The following CMC2 variants were observed in gnomAD, a reference collection of about 807,000 sequenced individuals.
CMC2 encodes the protein COX assembly mitochondrial protein 2 homolog.
Under a neutral mutation model 7.5 loss-of-function variants are expected in CMC2, and 5 were observed. The observed-to-expected ratio is 0.66, with a 90% CI of 0.35 to 1.40. The LOEUF (loss-of-function observed/expected upper bound fraction) is 1.40, where lower values mean the gene tolerates loss of function less well. Among genes scored for constraint, CMC2 ranks in the 40% most tolerant of loss-of-function variants. The pLI is 0.04. For missense variants in CMC2, 115 were observed against 92.3 expected (o/e 1.25, Z -1.01); for synonymous variants, 37 against 31.4 (o/e 1.18, Z -0.60).
Position 80,970,712 on chromosome 16 carries a change from G to T in CMC2, c.*5381C>A, listed in dbSNP as rs1911853924. 1.3e-5 allele frequency: 2 copies of T among 152,130 alleles called. No individual in the cohort carries two copies. The highest frequency in any genetic ancestry group is 1.3e-4 in the Admixed American group (2 of 15,284). 9.4% of individuals were successfully genotyped at this position (152,130 alleles called of 1,614,324 possible). A position where few individuals can be genotyped will look rare whatever the true frequency, so the allele number is the denominator to read the frequency against. ...TATAGGCCCCAGAATTATTAAGAAAGTTTGGCAAGCCTTCTGAATGTAAGA... is the reference window on the plus strand; with the variant it reads ...TATAGGCCCCAGAATTATTAAGAAATTTTGGCAAGCCTTCTGAATGTAAGA... On this transcript the variant is annotated 3_prime_UTR_variant, in exon 4 of 4. Transcript: ENST00000219400.
At chr16:80,976,388 T>C (rs1912352894) in intron 3 of CMC2, among the ~76,000 whole-genome samples, 2 of 152,248 alleles carry the variant, frequency 1.3e-5, no homozygotes, top group East Asian at 3.8e-4. Flanking sequence ...GAGTATCTCA[T>C]ATCTAGCACA....
rs11643712 is a variant in CMC2 at position 80,969,853 on chromosome 16, C to T, written c.*6240G>A. 0.18 allele frequency: 26,875 copies of T among 152,134 alleles called. 2,826 individuals are homozygous for T. The highest frequency in any genetic ancestry group is 0.3 in the African/African-American group (12,547 of 41,434). The allele number at this position is 152,134 out of a possible 1,614,324, so 9.4% of individuals were successfully genotyped here. The stretch of plus-strand genomic sequence containing the variant: ...GCAGGGAGCCAAGATCACACCACTG[C>T]ACCCCAGCCTGGGTGACACAGCAAG... On this transcript the variant is annotated 3_prime_UTR_variant, in exon 4 of 4. Transcript: ENST00000219400.
At chr16:80,987,437 T>C (rs148399297) in intron 2 of CMC2, among the ~76,000 whole-genome samples, 53 of 152,350 alleles carry the variant, frequency 3.5e-4, no homozygotes, top group Admixed American at 2.5e-3. Flanking sequence ...TCTAAAATGA[T>C]ATGTATTATT....
chr16:80,968,251 G>C lies in CMC2; in HGVS notation c.*7842C>G, dbSNP rs1304201937. On this transcript the variant is annotated 3_prime_UTR_variant, in exon 4 of 4. Transcript: ENST00000219400. Reference sequence around the variant, plus strand: ...ATTTCTTTTTTTTATTTTTATTTTTGTAGAGACAGGGTCTTACTATGTTGC... The same window carrying C: ...ATTTCTTTTTTTTATTTTTATTTTTCTAGAGACAGGGTCTTACTATGTTGC... The C allele has an allele frequency of 6.6e-6, 1 of 151,954 alleles. No homozygotes were observed. Among genetic ancestry groups the C allele is most frequent in the Non-Finnish European group, 1.5e-5 (1 of 68,026 alleles). 9.4% of individuals were successfully genotyped at this position (151,954 alleles called of 1,614,324 possible).
At chr16:80,993,118 C>G (rs760798934) in intron 2 of CMC2, among the ~76,000 whole-genome samples, 1 of 152,180 alleles carries the variant, frequency 6.6e-6, no homozygotes, top group Admixed American at 6.5e-5. Flanking sequence ...TTTTTCCAAA[C>G]AGCTATGTAA....
At position 80,969,167 on chromosome 16, in the gene CMC2, CAGG is replaced by C. The variant is rs1911751396; in HGVS notation, c.*6923_*6925del. The C allele has an allele frequency of 6.6e-6, 1 of 152,094 alleles. No individual in the cohort carries two copies. The allele number at this position is 152,094 out of a possible 1,614,324, so 9.4% of individuals were successfully genotyped here. ...TATCTTTTTTATGATATAAAAAGGG[CAGG>C]AGGAGAGACAGTATTTACAACAAAA... is the stretch of plus-strand genomic sequence containing the variant. On this transcript the variant is annotated 3_prime_UTR_variant, in exon 4 of 4. Transcript: ENST00000219400.
rs764800233 is a variant in CMC2 at position 80,966,897 on chromosome 16, ATTT to A, written c.*9193_*9195del. ...CCTTTGTGTAAATGCATCATTGTTT[ATTT>A]AACTACTGTCCTATTCGTAGACATA... On this transcript the variant is annotated 3_prime_UTR_variant, in exon 4 of 4. Coordinates refer to ENST00000219400, the MANE Select transcript of CMC2 (RefSeq NM_020188.5). 1 of 151,652 alleles carries A rather than the reference ATTT, an allele frequency of 6.6e-6. No individual in the cohort carries two copies. The highest frequency in any genetic ancestry group is 1.5e-5 in the Non-Finnish European group (1 of 68,006). 9.4% of individuals were successfully genotyped at this position (151,652 alleles called of 1,614,324 possible). A position where few individuals can be genotyped will look rare whatever the true frequency, so the allele number is the denominator to read the frequency against.
chr16:81,003,882 G>A (rs546818909), intron 1 of CMC2, among the ~76,000 whole-genome samples: 42 of 152,294 alleles, frequency 2.8e-4, no homozygotes, highest in African/African-American at 1.0e-3. Flanking sequence ...CCATAAAATG[G>A]AATTTGCTCT....
chr16:81,000,663 G>A (rs1342608874), intron 1 of CMC2, among the ~76,000 whole-genome samples: 1 of 152,174 alleles, frequency 6.6e-6, no homozygotes, highest in Non-Finnish European at 1.5e-5. Context: ...CCTCACATCA[G>A]TGAGAATGGC....
At position 80,967,259 on chromosome 16, in the gene CMC2, G is replaced by A. The variant is rs1911617823; in HGVS notation, c.*8834C>T. On this transcript the variant is annotated 3_prime_UTR_variant, in exon 4 of 4. Transcript: ENST00000219400. Reference sequence around the variant, plus strand: ...CTTAACTAAAATTTTAGCAGATAAAGCCATCACAGCAACTTGAACTATCCC... The same window carrying A: ...CTTAACTAAAATTTTAGCAGATAAAACCATCACAGCAACTTGAACTATCCC... The A allele has an allele frequency of 6.6e-6, 1 of 152,198 alleles. No homozygotes were observed. Among genetic ancestry groups the A allele is most frequent in the African/African-American group, 2.4e-5 (1 of 41,448 alleles). The allele number at this position is 152,198 out of a possible 1,614,324, so 9.4% of individuals were successfully genotyped here.
rs1380493588 is a variant in CMC2 at position 80,973,837 on chromosome 16, AG to A, written c.*2255del. 5 of 152,218 alleles carry A rather than the reference AG, an allele frequency of 3.3e-5. No individual in the cohort carries two copies. The highest frequency in any genetic ancestry group is 7.3e-5 in the Non-Finnish European group (5 of 68,040). The allele number at this position is 152,218 out of a possible 1,614,324, so 9.4% of individuals were successfully genotyped here. On this transcript the variant is annotated 3_prime_UTR_variant, in exon 4 of 4. Coordinates refer to ENST00000219400, the MANE Select transcript of CMC2 (RefSeq NM_020188.5). ...ATCAGCAACAGCTGCAACACAAGAG[AG>A]TAAGACCTAAAAACAGTAGGTGGTT...
At chr16:80,984,609 C>T (rs1229605147) in intron 2 of CMC2, among the ~76,000 whole-genome samples, 1 of 151,892 alleles carries the variant, frequency 6.6e-6, no homozygotes, top group Non-Finnish European at 1.5e-5. Flanking sequence ...TCTATCATTC[C>T]CAAAGAATAA....
rs1912117060 is a variant in CMC2, at chr16:80,974,149, G to A, written c.*1944C>T. The A allele has an allele frequency of 3.9e-5, 6 of 152,208 alleles. No individual in the cohort carries two copies. The South Asian group carries it at 1.0e-3, about 26-fold the overall frequency. 9.4% of individuals were successfully genotyped at this position (152,208 alleles called of 1,614,324 possible). On this transcript the variant is annotated 3_prime_UTR_variant, in exon 4 of 4. Coordinates refer to ENST00000219400, the MANE Select transcript of CMC2 (RefSeq NM_020188.5). ...AAGCAGGCACAAATCAAATGCCTGA[G>A]ACATCCTAGACACTTCCTTAAACCC...
At chr16:80,998,467 G>A (rs548592984) in intron 1 of CMC2, 1 of 152,196 alleles carries the variant, frequency 6.6e-6, no homozygotes, top group Admixed American at 6.5e-5. Flanking sequence ...AACTGGTATA[G>A]CAGTTCCTCA....
intron 2 of CMC2, among the ~76,000 whole-genome samples, chr16:80,993,358 A>C (rs1318396853): frequency 2.6e-5 from 4 of 152,190 alleles, no homozygotes; most frequent in Non-Finnish European, 4.4e-5. Flanking sequence ...CAAGAGGAGA[A>C]TGGTAGTTTC....
rs576905507 is a variant in CMC2 at position 80,975,623 on chromosome 16, A to T, written c.*470T>A. 74 of 152,346 alleles carry T rather than the reference A, an allele frequency of 4.9e-4. No individual in the cohort carries two copies. The highest frequency in any genetic ancestry group is 1.9e-3 in the East Asian group (10 of 5,154). The allele number at this position is 152,346 out of a possible 1,614,324, so 9.4% of individuals were successfully genotyped here. ...AGTAACACTATGTCTCAAAAAAAAA[A>T]TTTTTTTTAATCATTTAGAAAATCA... On this transcript the variant is annotated 3_prime_UTR_variant, in exon 4 of 4. Transcript: ENST00000219400.
chr16:80,976,151 TC>T lies in CMC2; in HGVS notation c.181del (p.Glu61SerfsTer38). 6.2e-7 allele frequency: 1 copy of T among 1,607,038 alleles called. No individual in the cohort carries two copies. Among genetic ancestry groups the T allele is most frequent in the Non-Finnish European group, 8.5e-7 (1 of 1,174,536 alleles). On this transcript the variant is annotated frameshift_variant, in exon 4 of 4. Coordinates refer to ENST00000219400, the MANE Select transcript of CMC2 (RefSeq NM_020188.5). LOFTEE classifies it high-confidence loss of function. ...EYVENRTKSR[E>X]HGIAMRKKLF... ...TTTCTTTCGCATTGCAATGCCATGC[TC>T]CCTGCTCTTGGTCCTGTTTTCTACG...
chr16:80,991,926 A>T (rs74028889), intron 2 of CMC2: 8,013 of 455,408 alleles, frequency 0.018, 409 homozygotes, highest in African/African-American at 0.12. Flanking sequence ...GAGTGACAAG[A>T]ACTAAGTGTA....
At chr16:80,996,442 A>G (rs1166187744) in intron 2 of CMC2, among the ~76,000 whole-genome samples, 1 of 152,210 alleles carries the variant, frequency 6.6e-6, no homozygotes, top group African/African-American at 2.4e-5. Flanking sequence ...TCAAAACGTT[A>G]TGTTTTATTG....
Sources: allele counts gnomAD v4.1 joint callset (sites outside exome capture counted in the v4.1 genomes callset), GRCh38; gene constraint gnomAD v4.1.1; transcripts MANE v1.5; gene names NCBI Gene and HGNC (gene_info 2026-07-23, HGNC 2026-07-21).